Variants in HS3ST3B1 observed in about 807,000 individuals in gnomAD.
HS3ST3B1 encodes the protein heparan sulfate glucosamine 3-O-sulfotransferase 3B1.
HS3ST3B1 carries 13 observed loss-of-function variants against 21.3 expected under a neutral mutation model. That is an observed-to-expected ratio of 0.61 (90% CI 0.40 to 0.97). The LOEUF is 0.97. Among genes scored for constraint, HS3ST3B1 ranks in the 50% least tolerant of loss-of-function variants. The probability of loss-of-function intolerance (pLI) is 0.00; values close to 1 mark genes in which losing one functional copy is unlikely to be tolerated. For synonymous variants in HS3ST3B1, 234 were observed against 254.8 expected, an observed-to-expected ratio of 0.92 and a Z score of 0.78; for missense variants, 459 against 554.8, an observed-to-expected ratio of 0.83 and a Z score of 1.73.
chr17:14,304,181 C>G (rs1909050701), intron 1 of HS3ST3B1: 1 of 152,172 alleles, frequency 6.6e-6, no homozygotes, highest in African/African-American at 2.4e-5. Context: ...GCCGCAAGGG[C>G]TTGGCTGGGC....
At chr17:14,329,307 G>C (rs7210862) in intron 1 of HS3ST3B1, 2 of 107,846 alleles carry the variant, frequency 1.9e-5, no homozygotes, top group Admixed American at 2.2e-4. Context: ...GAAAGAAAGA[G>C]AGAAAGAGAG....
chr17:14,311,815 T>C (rs1015604646), intron 1 of HS3ST3B1, among the ~76,000 whole-genome samples: 18 of 152,158 alleles, frequency 1.2e-4, no homozygotes, highest in African/African-American at 4.1e-4. Context: ...ATGCATCAAC[T>C]TGTATGCATC....
At chr17:14,318,420 C>T (rs1597591701) in intron 1 of HS3ST3B1, among the ~76,000 whole-genome samples, 2 of 152,200 alleles carry the variant, frequency 1.3e-5, no homozygotes, top group South Asian at 4.1e-4. Flanking sequence ...CGCCCTCTGT[C>T]TCAGAATTGC....
chr17:14,333,844 G>A (rs556411976), intron 1 of HS3ST3B1, among the ~76,000 whole-genome samples: 5 of 152,014 alleles, frequency 3.3e-5, no homozygotes, highest in East Asian at 2.0e-4. Flanking sequence ...TTGGCTCACC[G>A]CAACCTCTCC....
At chr17:14,336,463 C>T (rs1466393654) in intron 1 of HS3ST3B1, among the ~76,000 whole-genome samples, 6 of 152,116 alleles carry the variant, frequency 3.9e-5, no homozygotes, top group Admixed American at 1.3e-4. Context: ...ACGCCTTTAG[C>T]CTTCAAGGTT....
Position 14,301,355 on chromosome 17 carries a change from C to G in HS3ST3B1, c.-164C>G. On this transcript the variant is annotated 5_prime_UTR_variant, in exon 1 of 2. Coordinates refer to ENST00000360954, the MANE Select transcript of HS3ST3B1 (RefSeq NM_006041.3). Reference sequence around the variant, plus strand: ...GCCGCCGCTACAGCTGCCGCCGCCACCTGGGGAAGAGCAGCAGCAGCAGCG... The same window carrying G: ...GCCGCCGCTACAGCTGCCGCCGCCAGCTGGGGAAGAGCAGCAGCAGCAGCG... The G allele has an allele frequency of 3.6e-6, 2 of 560,722 alleles. No homozygotes were observed. The highest frequency in any genetic ancestry group is 5.7e-6 in the Non-Finnish European group (2 of 352,306). 34.7% of individuals were successfully genotyped at this position (560,722 alleles called of 1,614,324 possible).
intron 1 of HS3ST3B1, among the ~76,000 whole-genome samples, chr17:14,312,733 C>A (rs969134046): frequency 1.3e-5 from 2 of 151,866 alleles, no homozygotes; most frequent in East Asian, 1.9e-4. Flanking sequence ...TGCTGCCCCC[C>A]ACAACTACAC....
intron 1 of HS3ST3B1, among the ~76,000 whole-genome samples, chr17:14,334,117 A>AG (rs142606619): frequency 0.075 from 11,385 of 152,260 alleles, 563 homozygotes; most frequent in African/African-American, 0.14. Context: ...GGGGTATTCT[A>AG]GCTAAACCAA....
At chr17:14,344,977 G>T (rs1321780388) in intron 1 of HS3ST3B1, 51 bp from the exon 2 acceptor site, 2 of 1,582,444 alleles carry the variant, frequency 1.3e-6, no homozygotes, top group Non-Finnish European at 1.7e-6. Context: ...AAGACGTGTG[G>T]CCAGAGAGGC....
At chr17:14,332,829 C>CTTTTTTTTTTTTTTTTTTTTTTTT (rs71147859) in intron 1 of HS3ST3B1, among the ~76,000 whole-genome samples, 2 of 91,040 alleles carry the variant, frequency 2.2e-5, no homozygotes, top group Non-Finnish European at 2.1e-5. Flanking sequence ...GACCTTTTAT[C>CTTTTTTTTTTTTTTTTTTTTTTTT]TTTTTTTTTT....
intron 1 of HS3ST3B1, among the ~76,000 whole-genome samples, chr17:14,316,199 C>T (rs1909493431): frequency 6.6e-6 from 1 of 152,204 alleles, no homozygotes; most frequent in Admixed American, 6.5e-5. Context: ...ACACATCTCC[C>T]ACTGTGATGT....
chr17:14,337,969 T>G (rs1910240324), intron 1 of HS3ST3B1, among the ~76,000 whole-genome samples: 1 of 151,668 alleles, frequency 6.6e-6, no homozygotes, highest in African/African-American at 2.4e-5. Context: ...CAGTCCTGCT[T>G]GCACATTAGA....
chr17:14,342,250 T>G (rs935662537), intron 1 of HS3ST3B1, among the ~76,000 whole-genome samples: 1 of 152,194 alleles, frequency 6.6e-6, no homozygotes, highest in Admixed American at 6.5e-5. Context: ...AATTCTCTTT[T>G]TTTTTTCCTT....
rs900675326 is a variant in HS3ST3B1, at chr17:14,346,401, A to C, written c.*755A>C. The C allele has an allele frequency of 6.6e-6, 1 of 151,828 alleles. No individual in the cohort carries two copies. Among genetic ancestry groups the C allele is most frequent in the African/African-American group, 2.4e-5 (1 of 41,284 alleles). The allele number at this position is 151,828 out of a possible 1,614,324, so 9.4% of individuals were successfully genotyped here. Reference sequence around the variant, plus strand: ...CAAGTATCTGGGATTACAGGCATGCACCACCATGCCTGGCTAATTTTGTAT... The same window carrying C: ...CAAGTATCTGGGATTACAGGCATGCCCCACCATGCCTGGCTAATTTTGTAT... On this transcript the variant is annotated 3_prime_UTR_variant, in exon 2 of 2. Coordinates refer to ENST00000360954, the MANE Select transcript of HS3ST3B1 (RefSeq NM_006041.3).
chr17:14,318,937 G>A (rs1212829197), intron 1 of HS3ST3B1, among the ~76,000 whole-genome samples: 1 of 152,220 alleles, frequency 6.6e-6, no homozygotes, highest in Non-Finnish European at 1.5e-5. Context: ...TGAGGACTTT[G>A]ATGGAAGCCA....
At chr17:14,339,290 T>C (rs751713480) in intron 1 of HS3ST3B1, among the ~76,000 whole-genome samples, 1 of 152,174 alleles carries the variant, frequency 6.6e-6, no homozygotes, top group Non-Finnish European at 1.5e-5. Context: ...AAGAGCCTTA[T>C]TGTTTCGAAA....
At chr17:14,326,921 CAAAAAAAAA>C (rs60800866) in intron 1 of HS3ST3B1, among the ~76,000 whole-genome samples, 13 of 60,484 alleles carry the variant, frequency 2.1e-4, no homozygotes, top group African/African-American at 6.1e-4. Context: ...AACTCTGTCT[CAAAAAAAAA>C]AAAAAAAAAA....
At chr17:14,337,213 C>T (rs182565522) in intron 1 of HS3ST3B1, among the ~76,000 whole-genome samples, 1 of 152,164 alleles carries the variant, frequency 6.6e-6, no homozygotes, top group Admixed American at 6.5e-5. Context: ...ACTTATCTTT[C>T]TTCTAGTTTC....
At chr17:14,337,323 C>A in intron 1 of HS3ST3B1, among the ~76,000 whole-genome samples, 1 of 142,626 alleles carries the variant, frequency 7.0e-6, no homozygotes. Flanking sequence ...AGTATCTTAT[C>A]CTGATTGGAT....
Sources: gnomAD v4.1 joint callset for allele counts (sites outside exome capture counted in the v4.1 genomes callset) on GRCh38, gnomAD v4.1.1 for gene constraint, MANE v1.5 for transcripts, NCBI Gene and HGNC (gene_info 2026-07-23, HGNC 2026-07-21) for gene names.